Variants in RELN observed in about 807,000 individuals in gnomAD.
RELN encodes reelin.
A neutral mutation model predicts 427.6 loss-of-function variants in RELN; 108 were observed. That is an observed-to-expected ratio of 0.25 (90% CI 0.22 to 0.30). The LOEUF (loss-of-function observed/expected upper bound fraction) is 0.30, where lower values mean the gene tolerates loss of function less well. Ranked by LOEUF, RELN falls within the 10% of genes least tolerant of loss-of-function variation. The probability of loss-of-function intolerance (pLI) is 1.00; values close to 1 mark genes in which losing one functional copy is unlikely to be tolerated. For missense variants in RELN, 3,715 were observed against 4,302.8 expected (o/e 0.86, Z 3.82); for synonymous variants, 1,524 against 1,513.4 (o/e 1.01, Z -0.16).
At position 103,750,010 on chromosome 7, in the gene RELN, C is replaced by T. The variant is rs559675206; in HGVS notation, c.578-506G>A. 7.2e-5 allele frequency among the ~76,000 whole-genome samples: 11 copies of T among 152,160 alleles called. No homozygotes were observed. The East Asian group carries it at 1.9e-3, about 27-fold the overall frequency. ...TTTTTTATTTTTTGAGACAGAGTCT[C>T]GCTCTGTTGCCCACGCTGCAGTGCA... On this transcript the variant is annotated intron_variant, in intron 5 of 64. Coordinates refer to ENST00000428762, the MANE Select transcript of RELN (RefSeq NM_005045.4).
intron 3 of RELN, among the ~76,000 whole-genome samples, chr7:103,802,480 T>C (rs1792492647): frequency 6.6e-6 from 1 of 152,144 alleles, no homozygotes; most frequent in African/African-American, 2.4e-5. Flanking sequence ...GGACTTGGGT[T>C]TTTATATATT....
rs1172010304 is a variant in RELN, at chr7:103,982,814, G to GT, written c.226+6316dup. Among the ~76,000 whole-genome samples, 15 of 152,310 alleles carry GT rather than the reference G, an allele frequency of 9.8e-5. No individual in the cohort carries two copies. In the East Asian group the frequency reaches 2.7e-3, roughly 27 times the overall value. ...TATAACATGTCACCTTTCCTATCAT[G>GT]TAAGAGTATTTTAATCAATAATTTT... On this transcript the variant is annotated intron_variant, in intron 1 of 64. Coordinates refer to ENST00000428762, the MANE Select transcript of RELN (RefSeq NM_005045.4).
At chr7:103,643,106 T>G (rs1463558768) in intron 16 of RELN, among the ~76,000 whole-genome samples, 1 of 152,116 alleles carries the variant, frequency 6.6e-6, no homozygotes, top group Non-Finnish European at 1.5e-5. Flanking sequence ...GTTTCAAGAA[T>G]TTGGTCATTT....
intron 11 of RELN, among the ~76,000 whole-genome samples, chr7:103,668,780 T>C (rs1347874871): frequency 1.3e-5 from 2 of 152,196 alleles, no homozygotes; most frequent in Non-Finnish European, 2.9e-5. Flanking sequence ...CACTGGTTCA[T>C]TGGTCTTTTG....
At position 103,620,307 on chromosome 7, in the gene RELN, T is replaced by A. The variant is rs1223642522; in HGVS notation, c.2703-8504A>T. Among the ~76,000 whole-genome samples the A allele has an allele frequency of 6.6e-6, 1 of 152,168 alleles. No homozygotes were observed. The highest frequency in any genetic ancestry group is 1.9e-4 in the East Asian group (1 of 5,194). On this transcript the variant is annotated intron_variant, in intron 20 of 64. Transcript: ENST00000428762. The surrounding 1 kb of genome is among the most constrained non-coding windows in gnomAD (Gnocchi z 4.1). The stretch of plus-strand genomic sequence containing the variant: ...ATTAAATCTCTTTTTCTTTATAAAT[T>A]GTCCAGTCTCAGGTATGTCTTCATC...
chr7:103,552,310 A>C (rs1220075857), intron 40 of RELN, among the ~76,000 whole-genome samples: 3 of 152,190 alleles, frequency 2.0e-5, no homozygotes, highest in Non-Finnish European at 4.4e-5. Context: ...ATGCCATCAA[A>C]GCATAGGAAC....
intron 1 of RELN, among the ~76,000 whole-genome samples, chr7:103,980,704 G>A (rs929943407): frequency 2.0e-5 from 3 of 152,170 alleles, no homozygotes; most frequent in African/African-American, 7.2e-5. Context: ...GAATTAATAT[G>A]TGTAAAGCAT....
chr7:103,745,544 A>G (rs1202910357), intron 6 of RELN, among the ~76,000 whole-genome samples: 5 of 150,834 alleles, frequency 3.3e-5, no homozygotes, highest in Non-Finnish European at 5.9e-5. Flanking sequence ...AATCTCCTCA[A>G]GCTGATAAGC....
At chr7:103,745,004 C>A (rs567892662) in intron 6 of RELN, among the ~76,000 whole-genome samples, 7 of 152,224 alleles carry the variant, frequency 4.6e-5, no homozygotes, top group Non-Finnish European at 7.4e-5. Context: ...AACATCGATG[C>A]AAAAATCCTC....
intron 2 of RELN, among the ~76,000 whole-genome samples, chr7:103,865,621 A>G (rs2116508201): frequency 1.3e-5 from 2 of 152,310 alleles, no homozygotes; most frequent in East Asian, 3.9e-4. Context: ...GATGTGATAT[A>G]CCACATTAAC....
chr7:103,909,736 T>G (rs1433661203), intron 2 of RELN, among the ~76,000 whole-genome samples: 4 of 30,778 alleles, frequency 1.3e-4, no homozygotes, highest in Non-Finnish European at 2.4e-4. Context: ...TATTTTTTAA[T>G]ATATATAAAT....
chr7:103,747,584 T>G (rs1389366602), intron 6 of RELN, among the ~76,000 whole-genome samples: 1 of 151,838 alleles, frequency 6.6e-6, no homozygotes, highest in Non-Finnish European at 1.5e-5. Flanking sequence ...CTGCCACCTT[T>G]TGTTTAACAG....
intron 2 of RELN, among the ~76,000 whole-genome samples, chr7:103,913,579 T>G (rs922625283): frequency 6.6e-6 from 1 of 152,190 alleles, no homozygotes; most frequent in African/African-American, 2.4e-5. Flanking sequence ...GTAGAAATTA[T>G]GCCTTCTATA....
chr7:103,629,629 G>C (rs1476644377), intron 20 of RELN, among the ~76,000 whole-genome samples: 1 of 132,142 alleles, frequency 7.6e-6, no homozygotes, highest in Non-Finnish European at 1.5e-5. Flanking sequence ...TTTTTGAAGA[G>C]GTTTTTTTTT....
intron 4 of RELN, among the ~76,000 whole-genome samples, chr7:103,774,408 A>G (rs999113379): frequency 2.0e-5 from 3 of 152,108 alleles, no homozygotes; most frequent in African/African-American, 7.2e-5. Context: ...TACTTTTTCA[A>G]TATGTTTAGC....
At chr7:103,541,757 A>G (rs1830181299) in intron 43 of RELN, among the ~76,000 whole-genome samples, 1 of 152,238 alleles carries the variant, frequency 6.6e-6, no homozygotes. Context: ...ATAATTTCTA[A>G]ATTAGAGAAC....
At chr7:103,554,238 G>GAA (rs35750470) in intron 38 of RELN, among the ~76,000 whole-genome samples, 1,707 of 146,766 alleles carry the variant, frequency 0.012, 36 homozygotes, top group African/African-American at 0.04. Flanking sequence ...CTTTCTGGGG[G>GAA]AAAAAAAAAA....
chr7:103,554,386 C>T (rs909585955), intron 38 of RELN, among the ~76,000 whole-genome samples: 6 of 151,244 alleles, frequency 4.0e-5, no homozygotes, highest in African/African-American at 1.2e-4. Flanking sequence ...GGCAAAACCT[C>T]GTCTCTATAA....
chr7:103,652,627 C>G lies in RELN; in HGVS notation c.1687G>C (p.Val563Leu), dbSNP rs368090783. 6.2e-6 allele frequency: 10 copies of G among 1,612,776 alleles called. No individual in the cohort carries two copies. The African/African-American group carries it at 9.4e-5, about 15-fold the overall frequency. The part of the protein sequence containing the change: ...WAVDFFHVLP[V>L]LPSTMSHMIQ... ...ATGTGAGACATTGTAGAAGGGAGAA[C>G]AGGCAAGACATGGAAAAAGTCTACA... is the stretch of plus-strand genomic sequence containing the variant. Residue 563 changes from valine to leucine, a missense_variant, in exon 14 of 65, where the codon GTT becomes CTT. Val to Leu is a conservative substitution (Grantham distance 32). Coordinates refer to ENST00000428762, the MANE Select transcript of RELN (RefSeq NM_005045.4).
Sources: gnomAD v4.1 joint callset for allele counts (sites outside exome capture counted in the v4.1 genomes callset) on GRCh38, gnomAD v4.1.1 for gene constraint, Gnocchi (gnomAD v3.1) non-coding constraint, MANE v1.5 for transcripts, NCBI Gene and HGNC (gene_info 2026-07-23, HGNC 2026-07-21) for gene names.